The following CCDC28A variants were observed in gnomAD, a reference collection of about 807,000 sequenced individuals.
The protein encoded by CCDC28A is coiled-coil domain-containing protein 28A.
A neutral mutation model predicts 22.1 loss-of-function variants in CCDC28A; 24 were observed. The ratio of observed to expected loss-of-function variants is 1.09; its 90% confidence interval spans 0.79 to 1.53. The LOEUF is 1.53. CCDC28A is among the 40% of genes most tolerant of loss of function. The probability of loss-of-function intolerance (pLI) is 0.00; values close to 1 mark genes in which losing one functional copy is unlikely to be tolerated. For missense variants in CCDC28A, 170 were observed against 210.7 expected (o/e 0.81, Z 1.20); for synonymous variants, 83 against 74.7 (o/e 1.11, Z -0.57).
chr6:138,788,568 CTTTTTTTTTT>C (rs3070099), intron 5 of CCDC28A, among the ~76,000 whole-genome samples, 180 bp downstream of exon 5: 7 of 92,980 alleles, frequency 7.5e-5, no homozygotes, highest in African/African-American at 2.6e-4. Context: ...TTTTTCTTTT[CTTTTTTTTTT>C]TTTTTTTTTT....
chr6:138,788,214 G>C, intron 4 of CCDC28A, 152 bp from the exon 5 acceptor site: 1 of 354,246 alleles, frequency 2.8e-6, no homozygotes, highest in Non-Finnish European at 5.2e-6. Flanking sequence ...TCCCGCCTTG[G>C]CATCCCAAAG....
At chr6:138,780,864 G>A (rs1437367467) in intron 3 of CCDC28A, among the ~76,000 whole-genome samples, 5 of 152,062 alleles carry the variant, frequency 3.3e-5, no homozygotes, top group Admixed American at 6.5e-5. Flanking sequence ...GAGCCACCGC[G>A]CCTGGCCTAT....
At chr6:138,786,012 A>G (rs1288495438) in intron 4 of CCDC28A, among the ~76,000 whole-genome samples, 2 of 152,226 alleles carry the variant, frequency 1.3e-5, no homozygotes, top group African/African-American at 4.8e-5. Context: ...CTGCCAAAAC[A>G]AAGTACCACA....
Position 138,773,836 on chromosome 6 carries a change from G to T in CCDC28A, c.-109G>T. ...CCGGGGCTCTGCTTGTGGCTGCGGC[G>T]GTGGCTTCTGAGGCTGTCGGGTCTT... is the stretch of plus-strand genomic sequence containing the variant. On this transcript the variant is annotated 5_prime_UTR_variant, in exon 1 of 6. Coordinates refer to ENST00000617445, the MANE Select transcript of CCDC28A (RefSeq NM_015439.3). 1 of 1,614,132 alleles carries T rather than the reference G, an allele frequency of 6.2e-7. No homozygotes were observed. The highest frequency in any genetic ancestry group is 8.5e-7 in the Non-Finnish European group (1 of 1,180,032).
intron 5 of CCDC28A, among the ~76,000 whole-genome samples, chr6:138,790,006 A>G (rs2128363385): frequency 6.6e-6 from 1 of 152,348 alleles, no homozygotes; most frequent in African/African-American, 2.4e-5. Context: ...TTAAGATATT[A>G]TTGTCAAGAA....
At position 138,773,890 on chromosome 6, in the gene CCDC28A, C is replaced by T. The variant is rs775293748; in HGVS notation, c.-55C>T. 6.2e-7 allele frequency: 1 copy of T among 1,613,192 alleles called. No individual in the cohort carries two copies. The highest frequency in any genetic ancestry group is 8.5e-7 in the Non-Finnish European group (1 of 1,180,018). On this transcript the variant is annotated 5_prime_UTR_variant, in exon 1 of 6. Coordinates refer to ENST00000617445, the MANE Select transcript of CCDC28A (RefSeq NM_015439.3). ...GGGTTGCGGAAGGGGGCCCCAATAC[C>T]CTTCTTCTTCAGGTATGTAGTGGAA...
chr6:138,789,191 A>T (rs181248908), intron 5 of CCDC28A, among the ~76,000 whole-genome samples: 4 of 152,358 alleles, frequency 2.6e-5, no homozygotes, highest in Admixed American at 6.5e-5. Context: ...ATTTTTGAAC[A>T]TAACAGGCAC....
At chr6:138,792,718 G>T in intron 5 of CCDC28A, 31 bp from the exon 6 acceptor site, 1 of 1,420,538 alleles carries the variant, frequency 7.0e-7, no homozygotes, top group Non-Finnish European at 9.9e-7. Flanking sequence ...ACCCCTTATA[G>T]AATGAAAATC....
Position 138,778,318 on chromosome 6 carries a change from C to G in CCDC28A, c.159-1504C>G, listed in dbSNP as rs139195016. Among the ~76,000 whole-genome samples the G allele has an allele frequency of 1.9e-4, 29 of 152,298 alleles. 1 individual carries two copies. In the East Asian group the frequency reaches 5.6e-3, roughly 29 times the overall value. ...CATTGGGTTATAAAGATAAATTACT[C>G]TTTCTCCCATTTTGCCAATTTAGCC... On this transcript the variant is annotated intron_variant, in intron 2 of 5. Transcript: ENST00000617445.
chr6:138,781,287 T>C (rs1775017316), intron 3 of CCDC28A, among the ~76,000 whole-genome samples: 1 of 152,240 alleles, frequency 6.6e-6, no homozygotes, highest in Non-Finnish European at 1.5e-5. Context: ...GTTGTGAATA[T>C]ACTCTAGTTT....
intron 1 of CCDC28A, 83 bp from the exon 2 acceptor site, chr6:138,775,996 T>G: frequency 6.1e-6 from 7 of 1,151,720 alleles, no homozygotes; most frequent in Non-Finnish European, 9.0e-6. Context: ...GATCCTCTTT[T>G]GACCCTGTGA....
At chr6:138,789,713 T>C (rs562269316) in intron 5 of CCDC28A, among the ~76,000 whole-genome samples, 48 of 151,936 alleles carry the variant, frequency 3.2e-4, no homozygotes, top group Non-Finnish European at 6.0e-4. Flanking sequence ...TAATCCCAGC[T>C]ACTTGGGAGG....
intron 3 of CCDC28A, among the ~76,000 whole-genome samples, chr6:138,780,591 T>G (rs79554995): frequency 3.3e-5 from 5 of 150,814 alleles, no homozygotes; most frequent in Non-Finnish European, 7.4e-5. Flanking sequence ...TTTTTTTTTT[T>G]TGAGACAGAG....
At chr6:138,783,595 G>A (rs796121471) in intron 3 of CCDC28A, among the ~76,000 whole-genome samples, 5 of 151,848 alleles carry the variant, frequency 3.3e-5, no homozygotes, top group African/African-American at 7.2e-5. Flanking sequence ...CCACCACCAC[G>A]CCCGGCTAAT....
In CCDC28A at chr6:138,780,572, ATT is replaced by A. The variant is rs11348177; in HGVS notation, c.322+606_322+607del. ...TTTCTAATGATAAGATTATTTCCCA[ATT>A]TTTTTTTTTTTTTTTTTTGAGACAG... On this transcript the variant is annotated intron_variant, in intron 3 of 5. Transcript: ENST00000617445. Among the ~76,000 whole-genome samples, 364 of 124,084 alleles carry A rather than the reference ATT, an allele frequency of 2.9e-3. 1 individual carries two copies. The East Asian group carries it at 0.034, about 12-fold the overall frequency. 81.4% of individuals were successfully genotyped at this position (124,084 alleles called of 152,430 possible).
chr6:138,776,690 A>G (rs1366502651), intron 2 of CCDC28A, among the ~76,000 whole-genome samples: 3 of 151,572 alleles, frequency 2.0e-5, no homozygotes, highest in Non-Finnish European at 4.4e-5. Context: ...ACACATATAT[A>G]TATATATTTT....
At chr6:138,776,685 T>C (rs1028587505) in intron 2 of CCDC28A, among the ~76,000 whole-genome samples, 30 of 151,460 alleles carry the variant, frequency 2.0e-4, no homozygotes, top group Non-Finnish European at 3.8e-4. Flanking sequence ...CACACACACA[T>C]ATATATATAT....
Position 138,793,072 on chromosome 6 carries a change from A to G in CCDC28A, c.*269A>G. ...CTTCATATTGTTGCCTTATGGGATT[A>G]TACTTGAAATGCATTGTGCTGATGT... On this transcript the variant is annotated 3_prime_UTR_variant, in exon 6 of 6. Transcript: ENST00000617445. 1 of 410,696 alleles carries G rather than the reference A, an allele frequency of 2.4e-6. No individual in the cohort carries two copies. Among genetic ancestry groups the G allele is most frequent in the South Asian group, 2.4e-5 (1 of 42,294 alleles). The allele number at this position is 410,696 out of a possible 1,614,324, so 25.4% of individuals were successfully genotyped here.
At chr6:138,781,020 T>C (rs906488323) in intron 3 of CCDC28A, among the ~76,000 whole-genome samples, 1 of 152,146 alleles carries the variant, frequency 6.6e-6, no homozygotes, top group African/African-American at 2.4e-5. Context: ...ATTCTTTCCC[T>C]CCCCAATGTT....
Sources: gnomAD v4.1 joint callset for allele counts (sites outside exome capture counted in the v4.1 genomes callset) on GRCh38, gnomAD v4.1.1 for gene constraint, MANE v1.5 for transcripts, NCBI Gene and HGNC (gene_info 2026-07-23, HGNC 2026-07-21) for gene names.